The following NIN variants were observed in gnomAD, a reference collection of about 807,000 sequenced individuals.
The protein encoded by NIN is ninein.
A neutral mutation model predicts 257.6 loss-of-function variants in NIN; 137 were observed. The observed-to-expected ratio is 0.53, with a 90% CI of 0.46 to 0.61. The LOEUF (loss-of-function observed/expected upper bound fraction) is 0.61. Ranked by LOEUF, NIN falls within the 20% of genes least tolerant of loss-of-function variation. The probability of loss-of-function intolerance (pLI) is 0.00; values close to 1 mark genes in which losing one functional copy is unlikely to be tolerated. For synonymous variants in NIN, 918 were observed against 919.8 expected, an observed-to-expected ratio of 1.00 and a Z score of 0.04; for missense variants, 2,439 against 2,501.2, an observed-to-expected ratio of 0.98 and a Z score of 0.53.
intron 14 of NIN, among the ~76,000 whole-genome samples, chr14:50,765,665 C>G (rs1267288449): frequency 6.6e-6 from 1 of 151,216 alleles, no homozygotes; most frequent in African/African-American, 2.4e-5. Context: ...GAATGATTTA[C>G]TAGCTAAGAC....
Position 50,763,877 on chromosome 14 carries a change from A to C in NIN, c.1723T>G (p.Ser575Ala). The C allele has an allele frequency of 6.2e-7, 1 of 1,614,036 alleles. No homozygotes were observed. The highest frequency in any genetic ancestry group is 8.5e-7 in the Non-Finnish European group (1 of 1,179,884). The change falls in exon 15 of 31, where the codon TCA becomes GCA. Residue 575 changes from serine to alanine, a missense_variant. Coordinates refer to ENST00000530997, the MANE Select transcript of NIN (RefSeq NM_020921.4). Reference sequence around the variant, plus strand: ...TTAGCCTCAACTTCTTCTGACGGTGAGTTCTTCAACGGAAGCCTGAGCACT... The same window carrying C: ...TTAGCCTCAACTTCTTCTGACGGTGCGTTCTTCAACGGAAGCCTGAGCACT... ...GRVLRLPLKNSPSEEVEANSG... is the reference protein window; with the variant it reads ...GRVLRLPLKNAPSEEVEANSG...
chr14:50,771,519 C>A, intron 9 of NIN, 51 bp from the exon 10 acceptor site: 1 of 1,597,254 alleles, frequency 6.3e-7, no homozygotes. Context: ...TCATTCCATC[C>A]TCTGAAAGCA....
Position 50,757,488 on chromosome 14 carries a change from G to A in NIN, c.3542C>T (p.Ser1181Phe). Reference protein sequence around the residue: ...EESEASVEGFSELENSEETRT... With the variant: ...EESEASVEGFFELENSEETRT... The stretch of plus-strand genomic sequence containing the variant: ...GGTCTCTTCACTGTTTTCAAGCTCA[G>A]AAAAACCCTCTACTGAAGCTTCAGA... Residue 1181 changes from serine to phenylalanine, a missense_variant, in exon 18 of 31, where the codon TCT becomes TTT. Transcript: ENST00000530997. 1 of 1,613,956 alleles carries A rather than the reference G, an allele frequency of 6.2e-7. No homozygotes were observed. Among genetic ancestry groups the A allele is most frequent in the Non-Finnish European group, 8.5e-7 (1 of 1,180,000 alleles).
chr14:50,733,800 C>G (rs1404829618), intron 28 of NIN, among the ~76,000 whole-genome samples: 1 of 152,136 alleles, frequency 6.6e-6, no homozygotes, highest in Non-Finnish European at 1.5e-5. Context: ...CATCTAAGTA[C>G]AGCCCACAGC....
chr14:50,805,447 A>C (rs969308179), intron 4 of NIN, among the ~76,000 whole-genome samples: 1 of 152,184 alleles, frequency 6.6e-6, no homozygotes, highest in Non-Finnish European at 1.5e-5. Context: ...ATCAGAGTTA[A>C]GAACAACATT....
chr14:50,763,722 T>A, intron 15 of NIN, 104 bp downstream of exon 15: 1 of 998,976 alleles, frequency 1.0e-6, no homozygotes, highest in Non-Finnish European at 1.5e-6. Flanking sequence ...TCTTTTTTTT[T>A]TTTTTCTTTT....
In NIN at chr14:50,735,745, GACAA is replaced by G. The variant is rs149627579; in HGVS notation, c.5776-132_5776-129del. ...TGGAAGAAAGCCAAGTTAATTCAGTGACAAACAAATAATACAATTCAGTGTATTG... is the reference window on the plus strand; with the variant it reads ...TGGAAGAAAGCCAAGTTAATTCAGTGACAAATAATACAATTCAGTGTATTG... On this transcript the variant is annotated intron_variant, in intron 27 of 30. Transcript: ENST00000530997. The G allele has an allele frequency of 1.7e-3, 2,008 of 1,211,556 alleles. 22 individuals carry two copies. The African/African-American group carries it at 0.026, about 16-fold the overall frequency. 75.1% of individuals were successfully genotyped at this position (1,211,556 alleles called of 1,614,324 possible). A position where few individuals can be genotyped will look rare whatever the true frequency, so the allele number is the denominator to read the frequency against.
At position 50,772,983 on chromosome 14, in the gene NIN, G is replaced by T; in HGVS notation, c.779C>A (p.Pro260Gln). 1 of 1,613,028 alleles carries T rather than the reference G, an allele frequency of 6.2e-7. No individual in the cohort carries two copies. The highest frequency in any genetic ancestry group is 8.5e-7 in the Non-Finnish European group (1 of 1,179,380). The stretch of plus-strand genomic sequence containing the variant: ...AAGGTGCCTTTTTAGTTGTCTATAT[G>T]GAGTAGATGCTGATGGTGTAAGAGA... ...GKSLTPSAST[P>Q]YRQLKRHLSM... The change falls in exon 8 of 31, where the codon CCA (proline) becomes CAA (glutamine). Residue 260 changes from proline to glutamine, a missense_variant. This residue lies in a region of NIN where 387 missense variants were observed against 427.3 expected (regional missense o/e 0.91). Coordinates refer to ENST00000530997, the MANE Select transcript of NIN (RefSeq NM_020921.4).
intron 5 of NIN, among the ~76,000 whole-genome samples, chr14:50,789,046 C>T (rs2043464475): frequency 6.6e-6 from 1 of 152,108 alleles, no homozygotes; most frequent in South Asian, 2.1e-4. Flanking sequence ...ATCCAGAAGT[C>T]AAAGGAAAAC....
At position 50,726,066 on chromosome 14, in the gene NIN, C is replaced by T. The variant is rs1472178080; in HGVS notation, c.6079G>A (p.Gly2027Arg). Reference protein sequence around the residue: ...NRTSETNTPQGNQEQLVTVME... With the variant: ...NRTSETNTPQRNQEQLVTVME... ...ACAGTTACCAGTTGTTCCTGGTTTC[C>T]CTGAAGGGAAGAAAAGTATATTATT... The change falls in exon 30 of 31, where the codon GGA (glycine) becomes AGA (arginine). Residue 2027 changes from glycine to arginine, a missense_variant and splice_region_variant. Physicochemically the swap from Gly to Arg is moderately radical, Grantham distance 125 (BLOSUM62 -2). Transcript: ENST00000530997. 5.0e-6 allele frequency: 8 copies of T among 1,608,506 alleles called. No homozygotes were observed. In the African/African-American group the frequency reaches 8.0e-5, roughly 16 times the overall value.
intron 28 of NIN, among the ~76,000 whole-genome samples, chr14:50,732,219 A>G (rs937216254): frequency 2.6e-5 from 4 of 152,212 alleles, no homozygotes; most frequent in African/African-American, 9.6e-5. Flanking sequence ...GGGAGTGCAC[A>G]TATCAGGTTA....
chr14:50,817,832 C>T (rs1034688609), intron 3 of NIN, among the ~76,000 whole-genome samples: 2 of 152,066 alleles, frequency 1.3e-5, no homozygotes, highest in African/African-American at 2.4e-5. Context: ...TCTCCTGTCT[C>T]AGCCTCCCGA....
intron 3 of NIN, among the ~76,000 whole-genome samples, chr14:50,810,230 CAAAAA>C (rs57511926): frequency 1.4e-5 from 1 of 73,090 alleles, no homozygotes. Context: ...GACTCCGTCT[CAAAAA>C]AAAAAAAAAA....
intron 4 of NIN, among the ~76,000 whole-genome samples, chr14:50,804,663 C>T (rs1595902935): frequency 1.3e-5 from 2 of 152,154 alleles, no homozygotes; most frequent in South Asian, 4.1e-4. Flanking sequence ...TACTTCCTGG[C>T]TGGGACCAAG....
rs1385641510 is a variant in NIN, at chr14:50,721,435, G to GA, written c.*2027dup. On this transcript the variant is annotated 3_prime_UTR_variant, in exon 31 of 31. Coordinates refer to ENST00000530997, the MANE Select transcript of NIN (RefSeq NM_020921.4). ...TCACATGCTAAGGCCAGCTATCTGG[G>GA]AAATATTATTGTTCAGTTCCAACAG... 1 of 216,616 alleles carries GA rather than the reference G, an allele frequency of 4.6e-6. No individual in the cohort carries two copies. The highest frequency in any genetic ancestry group is 5.8e-5 in the Admixed American group (1 of 17,208). 13.4% of individuals were successfully genotyped at this position (216,616 alleles called of 1,614,324 possible).
At chr14:50,830,942 G>C (rs983509744) in intron 1 of NIN, 64 bp downstream of exon 1, 13 of 151,384 alleles carry the variant, frequency 8.6e-5, no homozygotes, top group African/African-American at 3.1e-4. Flanking sequence ...CGGCGCGGGG[G>C]CAGCGCGAGG....
intron 8 of NIN, 75 bp downstream of exon 8, chr14:50,772,874 G>T: frequency 1.6e-6 from 2 of 1,269,826 alleles, no homozygotes; most frequent in South Asian, 1.3e-5. Flanking sequence ...TCAGACAACA[G>T]ATTAATTTAT....
intron 22 of NIN, among the ~76,000 whole-genome samples, chr14:50,747,439 G>C (rs1365453528): frequency 6.6e-6 from 1 of 152,144 alleles, no homozygotes; most frequent in Non-Finnish European, 1.5e-5. Context: ...TATGATAATA[G>C]AATTTTAGAG....
At chr14:50,726,945 T>C (rs756074960) in intron 29 of NIN, among the ~76,000 whole-genome samples, 1 of 152,182 alleles carries the variant, frequency 6.6e-6, no homozygotes, top group Non-Finnish European at 1.5e-5. Context: ...TACTAAGTAG[T>C]AACACTTAAT....
Sources: allele counts gnomAD v4.1 joint callset (sites outside exome capture counted in the v4.1 genomes callset), GRCh38; gene constraint gnomAD v4.1.1; regional missense constraint gnomAD v4.1.1; transcripts MANE v1.5; gene names NCBI Gene and HGNC (gene_info 2026-07-23, HGNC 2026-07-21).